The following ACP3 variants were observed in gnomAD, a reference collection of about 807,000 sequenced individuals.
ACP3 encodes the protein acid phosphatase 3, also known as prostatic acid phosphatase.
In ACP3, 38 loss-of-function variants were observed where a neutral mutation model predicts 45.6. The ratio of observed to expected loss-of-function variants is 0.83; its 90% CI spans 0.64 to 1.09. The LOEUF is 1.09. ACP3 is among the 50% of genes least tolerant of loss of function. The pLI, the probability that ACP3 is intolerant of heterozygous loss-of-function variation, is 0.00. For synonymous variants in ACP3, 162 were observed against 164.7 expected (o/e 0.98, Z 0.13); for missense variants, 466 against 463.2 (o/e 1.01, Z -0.05).
Position 132,357,696 on chromosome 3 carries a change from T to G in ACP3, c.*818T>G. 8.1e-6 allele frequency: 8 copies of G among 985,360 alleles called. No individual in the cohort carries two copies. Among genetic ancestry groups the G allele is most frequent in the Non-Finnish European group, 9.6e-6 (8 of 829,912 alleles). The allele number at this position is 985,360 out of a possible 1,614,324, so 61.0% of individuals were successfully genotyped here. ...CATCAGGAAAGAGAGCACCACGTGA[T>G]GGAGTTTCTCTAGAAGCTCCAGTGA... On this transcript the variant is annotated 3_prime_UTR_variant, in exon 10 of 10. Transcript: ENST00000336375.
chr3:132,365,813 C>T (rs894482972), intron 10 of ACP3, among the ~76,000 whole-genome samples: 1 of 151,930 alleles, frequency 6.6e-6, no homozygotes, highest in African/African-American at 2.4e-5. Flanking sequence ...ATGGTGAAAC[C>T]CTGTCTCTAC....
intron 6 of ACP3, among the ~76,000 whole-genome samples, chr3:132,342,989 A>C (rs148093768): frequency 0.013 from 1,939 of 152,326 alleles, 40 homozygotes; most frequent in African/African-American, 0.043. Flanking sequence ...TCTTAATGAA[A>C]AAACAATGTT....
chr3:132,362,857 T>A (rs1004439483), downstream of ACP3, among the ~76,000 whole-genome samples: 1 of 152,198 alleles, frequency 6.6e-6, no homozygotes, highest in Non-Finnish European at 1.5e-5. Flanking sequence ...AGGCAAGCAC[T>A]AAGTGCTCCA....
intron 7 of ACP3, among the ~76,000 whole-genome samples, chr3:132,348,616 G>A (rs909452384): frequency 4.6e-5 from 7 of 152,034 alleles, no homozygotes; most frequent in African/African-American, 1.4e-4. Flanking sequence ...CCAAAAGCTT[G>A]GCCACAGAGT....
At chr3:132,323,463 A>C (rs1407064533) in intron 1 of ACP3, among the ~76,000 whole-genome samples, 2 of 152,030 alleles carry the variant, frequency 1.3e-5, no homozygotes, top group Non-Finnish European at 2.9e-5. Context: ...AAAATAAGAA[A>C]ACATCAGGAA....
intron 1 of ACP3, among the ~76,000 whole-genome samples, chr3:132,322,981 T>G (rs940217707): frequency 6.6e-6 from 1 of 152,234 alleles, no homozygotes; most frequent in Non-Finnish European, 1.5e-5. Flanking sequence ...TTCTGCCATG[T>G]TATGACACAG....
At chr3:132,367,990 G>A in exon 11 of ACP3, 2 of 591,814 alleles carry the variant, frequency 3.4e-6, no homozygotes, top group Admixed American at 2.9e-5. Flanking sequence ...GGCTGCTGCT[G>A]GATGAACACT....
chr3:132,323,929 A>G (rs1937250084), intron 1 of ACP3, among the ~76,000 whole-genome samples: 1 of 152,192 alleles, frequency 6.6e-6, no homozygotes, highest in African/African-American at 2.4e-5. Flanking sequence ...AAAAATCTCC[A>G]CTTTTAGGCT....
rs772361237 is a variant in ACP3, at chr3:132,317,520, C to CT, written c.71dup (p.Trp25LeufsTer27). On this transcript the variant is annotated frameshift_variant, in exon 1 of 10. Transcript: ENST00000336375. LOFTEE classifies it high-confidence loss of function. ...CCTTAGCCTTGGCTTCTTGTTTCTG[C>CT]TTTTTTTCTGGCTAGACCGAAGTGT... is the stretch of plus-strand genomic sequence containing the variant. 3 of 1,613,716 alleles carry CT rather than the reference C, an allele frequency of 1.9e-6. No individual in the cohort carries two copies. Among genetic ancestry groups the CT allele is most frequent in the South Asian group, 1.1e-5 (1 of 90,968 alleles).
chr3:132,332,608 TAC>T, intron 4 of ACP3: 1 of 411,824 alleles, frequency 2.4e-6, no homozygotes. Flanking sequence ...CTCATCGTCA[TAC>T]ACAGAGAGAG....
chr3:132,344,277 CAAAAAAAA>C (rs56793876), intron 6 of ACP3, among the ~76,000 whole-genome samples: 3 of 99,362 alleles, frequency 3.0e-5, no homozygotes, highest in African/African-American at 1.3e-4. Flanking sequence ...GATTCTGTCT[CAAAAAAAA>C]AAAAAAAAAA....
intron 1 of ACP3, among the ~76,000 whole-genome samples, chr3:132,320,760 CCA>C (rs2107791005): frequency 6.6e-6 from 1 of 151,738 alleles, no homozygotes; most frequent in East Asian, 2.0e-4. Flanking sequence ...AAGTGATTCT[CCA>C]GTCTCAGCCT....
chr3:132,355,468 CATCTT>C (rs1937860008), intron 9 of ACP3, among the ~76,000 whole-genome samples: 1 of 70,148 alleles, frequency 1.4e-5, no homozygotes, highest in East Asian at 2.3e-4. Flanking sequence ...GTTTTATAGA[CATCTT>C]ATTTTATTTT....
intron 6 of ACP3, among the ~76,000 whole-genome samples, chr3:132,343,448 C>A (rs1319968608): frequency 6.6e-6 from 1 of 152,210 alleles, no homozygotes; most frequent in Non-Finnish European, 1.5e-5. Context: ...TAATCATCAG[C>A]AACTATTTCA....
chr3:132,344,259 C>T (rs1050806527), intron 6 of ACP3, among the ~76,000 whole-genome samples: 8 of 133,166 alleles, frequency 6.0e-5, no homozygotes, highest in African/African-American at 2.0e-4. Context: ...GGCTGGATGA[C>T]AGAGCAAGAT....
chr3:132,338,849 T>C (rs1180679667), intron 5 of ACP3, among the ~76,000 whole-genome samples: 2 of 152,226 alleles, frequency 1.3e-5, no homozygotes, highest in Middle Eastern at 3.2e-3. Context: ...ATACCATTTT[T>C]TGGTTTGTTT....
At chr3:132,346,485 A>C (rs1032624336) in intron 7 of ACP3, among the ~76,000 whole-genome samples, 1 of 152,208 alleles carries the variant, frequency 6.6e-6, no homozygotes, top group Non-Finnish European at 1.5e-5. Context: ...CATTAAACAC[A>C]TGAGCAACAA....
chr3:132,348,409 G>C (rs1039376351), intron 7 of ACP3, among the ~76,000 whole-genome samples: 1 of 152,076 alleles, frequency 6.6e-6, no homozygotes, highest in African/African-American at 2.4e-5. Flanking sequence ...CCAAGCCTCA[G>C]TTTCCCCTAT....
At chr3:132,347,006 C>T (rs943316612) in intron 7 of ACP3, among the ~76,000 whole-genome samples, 1 of 152,234 alleles carries the variant, frequency 6.6e-6, no homozygotes, top group Non-Finnish European at 1.5e-5. Flanking sequence ...AGTTGCTCCA[C>T]TTTCCTCATG....
Sources: allele counts gnomAD v4.1 joint callset (sites outside exome capture counted in the v4.1 genomes callset), GRCh38; gene constraint gnomAD v4.1.1; transcripts MANE v1.5; gene names NCBI Gene and HGNC (gene_info 2026-07-23, HGNC 2026-07-21).